Variants in AK7 observed in about 807,000 individuals in gnomAD.
AK7 encodes the protein ATP-AMP transphosphorylase 7.
Under a neutral mutation model 96.6 loss-of-function variants are expected in AK7, and 78 were observed. The observed-to-expected ratio is 0.81, with a 90% CI of 0.67 to 0.97. AK7 has a LOEUF of 0.97. AK7 is among the 50% of genes least tolerant of loss of function. AK7 has a pLI of 0.00. For synonymous variants in AK7, 302 were observed against 317.2 expected, an observed-to-expected ratio of 0.95 and a Z score of 0.51; for missense variants, 855 against 887.9, an observed-to-expected ratio of 0.96 and a Z score of 0.47.
At chr14:96,456,883 C>A in intron 11 of AK7, 1 of 193,434 alleles carries the variant, frequency 5.2e-6, no homozygotes, top group South Asian at 1.1e-4. Flanking sequence ...TGGGCTGCCC[C>A]CGGAGCCACA....
intron 1 of AK7, 75 bp downstream of exon 1, chr14:96,392,334 A>G (rs1889799298): frequency 1.5e-6 from 2 of 1,365,780 alleles, no homozygotes; most frequent in African/African-American, 1.4e-5. Context: ...CCGCAAACCC[A>G]GCGAGGGTCT....
intron 1 of AK7, among the ~76,000 whole-genome samples, chr14:96,396,477 G>A (rs1232261729): frequency 6.6e-6 from 1 of 152,188 alleles, no homozygotes; most frequent in Non-Finnish European, 1.5e-5. Context: ...ATGTATGTTT[G>A]AGAGATAAAT....
Position 96,471,540 on chromosome 14 carries a change from A to G in AK7, c.1420A>G (p.Arg474Gly), listed in dbSNP as rs1272925732. 6.9e-6 allele frequency: 11 copies of G among 1,584,082 alleles called. No individual in the cohort carries two copies. The East Asian group carries it at 2.5e-4, about 36-fold the overall frequency. ...MKEKLKSMPC[R>G]NQGYILDGFP... ...AGAAAAGCTAAAATCAATGCCTTGC[A>G]GGAATCAAGGTTATATTTTGGATGG... Residue 474 changes from arginine (R) to glycine (G), a missense_variant, in exon 13 of 18, where the codon AGG (arginine) becomes GGG (glycine). Coordinates refer to ENST00000267584, the MANE Select transcript of AK7 (RefSeq NM_152327.5).
intron 10 of AK7, among the ~76,000 whole-genome samples, chr14:96,455,815 A>C (rs1893863751): frequency 6.6e-6 from 1 of 152,180 alleles, no homozygotes; most frequent in African/African-American, 2.4e-5. Context: ...GAACTGTCTG[A>C]CCAGGCGGCA....
chr14:96,430,609 T>C (rs1355206576), intron 5 of AK7, among the ~76,000 whole-genome samples: 2 of 152,208 alleles, frequency 1.3e-5, no homozygotes, highest in Non-Finnish European at 2.9e-5. Context: ...TGAACCAGCC[T>C]TGCATCCCAG....
At chr14:96,443,827 G>T (rs992444591) in intron 7 of AK7, among the ~76,000 whole-genome samples, 5 of 144,466 alleles carry the variant, frequency 3.5e-5, no homozygotes, top group African/African-American at 1.3e-4. Context: ...AGGCTGGAGT[G>T]CAGTGGCACA....
chr14:96,428,163 T>TCCAAGTGTTCTCATTGTTCAATTC (rs1182359818), intron 5 of AK7, among the ~76,000 whole-genome samples: 3 of 152,048 alleles, frequency 2.0e-5, no homozygotes, highest in Non-Finnish European at 4.4e-5. Flanking sequence ...CCACCCTGTG[T>TCCAAGTGTTCTCATTGTTCAATTC]CCAAGTGTTC....
intron 5 of AK7, among the ~76,000 whole-genome samples, chr14:96,422,003 A>G (rs1170149675): frequency 6.6e-6 from 1 of 152,120 alleles, no homozygotes; most frequent in Non-Finnish European, 1.5e-5. Flanking sequence ...GAAATAATAG[A>G]CACACACAAG....
intron 10 of AK7, among the ~76,000 whole-genome samples, chr14:96,455,369 C>T (rs1311716880): frequency 6.6e-6 from 1 of 151,952 alleles, no homozygotes; most frequent in Non-Finnish European, 1.5e-5. Flanking sequence ...TCTGTAGTCC[C>T]AGATACTTGT....
In AK7 at chr14:96,488,948, C is replaced by G. The variant is rs1300658995; in HGVS notation, c.*605C>G. 1 of 150,426 alleles carries G rather than the reference C, an allele frequency of 6.6e-6. No homozygotes were observed. The highest frequency in any genetic ancestry group is 1.5e-5 in the Non-Finnish European group (1 of 67,840). The allele number at this position is 150,426 out of a possible 1,614,324, so 9.3% of individuals were successfully genotyped here. A position where few individuals can be genotyped will look rare whatever the true frequency, so the allele number is the denominator to read the frequency against. Reference sequence around the variant, plus strand: ...CCTTTAGGCGGAGAAATCTGCATAACAGGATAATTCCAATCTTTGTGATAA... The same window carrying G: ...CCTTTAGGCGGAGAAATCTGCATAAGAGGATAATTCCAATCTTTGTGATAA... On this transcript the variant is annotated 3_prime_UTR_variant, in exon 18 of 18. Coordinates refer to ENST00000267584, the MANE Select transcript of AK7 (RefSeq NM_152327.5).
intron 5 of AK7, among the ~76,000 whole-genome samples, chr14:96,429,665 A>G (rs1008481562): frequency 5.3e-5 from 8 of 152,300 alleles, no homozygotes; most frequent in African/African-American, 1.9e-4. Flanking sequence ...TTCTCCTTGA[A>G]GAAGTCCTTC....
Position 96,437,833 on chromosome 14 carries a change from A to G in AK7, c.610-2A>G. On this transcript the variant is annotated splice_acceptor_variant, in intron 5 of 17. Transcript: ENST00000267584. LOFTEE classifies it high-confidence loss of function. ...TTTTTTTTTCTGTATTTTATCTAATAGGCCAGAAAATTTGCAGCATACGTA... is the reference window on the plus strand; with the variant it reads ...TTTTTTTTTCTGTATTTTATCTAATGGGCCAGAAAATTTGCAGCATACGTA... The G allele has an allele frequency of 1.2e-6, 2 of 1,606,540 alleles. No homozygotes were observed. The highest frequency in any genetic ancestry group is 1.7e-6 in the Non-Finnish European group (2 of 1,176,272).
At chr14:96,439,846 C>T (rs1054450527) in intron 6 of AK7, among the ~76,000 whole-genome samples, 2 of 151,874 alleles carry the variant, frequency 1.3e-5, no homozygotes, top group African/African-American at 4.8e-5. Flanking sequence ...ACAATGAGAA[C>T]AGAGAAATAT....
intron 5 of AK7, among the ~76,000 whole-genome samples, chr14:96,423,107 C>T (rs890485707): frequency 6.6e-6 from 1 of 152,152 alleles, no homozygotes; most frequent in African/African-American, 2.4e-5. Flanking sequence ...GGGCCATGCC[C>T]CAACAACAGC....
At chr14:96,463,371 C>G (rs1894366404) in intron 12 of AK7, among the ~76,000 whole-genome samples, 1 of 151,866 alleles carries the variant, frequency 6.6e-6, no homozygotes, top group Non-Finnish European at 1.5e-5. Flanking sequence ...GACTTCAGAC[C>G]AGTCACTGCC....
intron 12 of AK7, among the ~76,000 whole-genome samples, chr14:96,461,528 G>A (rs1481543984): frequency 6.6e-6 from 1 of 152,126 alleles, no homozygotes; most frequent in Non-Finnish European, 1.5e-5. Context: ...ATCCCCTAAG[G>A]AGAGACAAGA....
intron 5 of AK7, chr14:96,423,812 A>C (rs1891855120): frequency 7.9e-6 from 6 of 764,116 alleles, no homozygotes; most frequent in Non-Finnish European, 1.4e-5. Flanking sequence ...CGCCACCTTG[A>C]ATTTGCCACG....
chr14:96,420,255 G>T (rs1337909475), intron 4 of AK7, among the ~76,000 whole-genome samples: 1 of 151,916 alleles, frequency 6.6e-6, no homozygotes, highest in African/African-American at 2.4e-5. Context: ...CCAGCACTTT[G>T]GGAGGCTGAG....
At chr14:96,397,994 G>C in intron 1 of AK7, 81 bp from the exon 2 acceptor site, 1 of 1,439,788 alleles carries the variant, frequency 6.9e-7, no homozygotes, top group South Asian at 1.3e-5. Flanking sequence ...CTCGGGAAAG[G>C]TAAGTTTCTA....
Sources: gnomAD v4.1 joint callset for allele counts (sites outside exome capture counted in the v4.1 genomes callset) on GRCh38, gnomAD v4.1.1 for gene constraint, MANE v1.5 for transcripts, NCBI Gene and HGNC (gene_info 2026-07-23, HGNC 2026-07-21) for gene names.